Variants in GNS observed in about 807,000 individuals in gnomAD.
GNS encodes N-acetylglucosamine-6-sulfatase.
GNS carries 40 observed loss-of-function variants against 69.7 expected under a neutral mutation model. The ratio of observed to expected loss-of-function variants is 0.57; its 90% CI spans 0.45 to 0.75. GNS has a LOEUF of 0.75. GNS is among the 30% of genes least tolerant of loss of function. The pLI is 0.00. For missense variants in GNS, 565 were observed against 685.5 expected (o/e 0.82, Z 1.96); for synonymous variants, 243 against 251.6 (o/e 0.97, Z 0.32).
rs1402191110 is a variant in GNS, at chr12:64,745,721, C to T, written c.463G>A (p.Gly155Arg). Residue 155 changes from glycine to arginine, a missense_variant, in exon 4 of 14, where the codon GGA (glycine) becomes AGA (arginine). Around this residue, in one of 2 missense-constraint regions of GNS, gnomAD observed 384 missense variants for 511.0 expected, o/e 0.75. Coordinates refer to ENST00000258145, the MANE Select transcript of GNS (RefSeq NM_002076.4). ...FFAGKYLNEY[G>R]APDAGGLEHV... ...TCTAGTCCACCTGCATCTGGGGCTC[C>T]GTACTGAAAAGCAAAACAAGTAGGG... The T allele has an allele frequency of 3.7e-6, 6 of 1,600,838 alleles. No homozygotes were observed. The Admixed American group carries it at 6.7e-5, about 18-fold the overall frequency.
chr12:64,749,446 G>A (rs1870006783), intron 2 of GNS, among the ~76,000 whole-genome samples: 1 of 151,150 alleles, frequency 6.6e-6, no homozygotes, highest in African/African-American at 2.4e-5. Context: ...TAGAGATGGG[G>A]TTTCACAGTG....
intron 9 of GNS, among the ~76,000 whole-genome samples, chr12:64,730,554 A>G (rs1869357225): frequency 6.6e-6 from 1 of 152,040 alleles, no homozygotes; most frequent in African/African-American, 2.4e-5. Flanking sequence ...AATTAGTCTA[A>G]CTCTGCAGCT....
chr12:64,752,091 G>T (rs1870098026), intron 2 of GNS, among the ~76,000 whole-genome samples: 1 of 111,580 alleles, frequency 9.0e-6, no homozygotes, highest in African/African-American at 2.8e-5. Flanking sequence ...GGAGGAAGAG[G>T]GCCAGAGAGG....
intron 9 of GNS, among the ~76,000 whole-genome samples, chr12:64,733,704 G>T (rs1238487639): frequency 6.6e-6 from 1 of 152,194 alleles, no homozygotes; most frequent in Non-Finnish European, 1.5e-5. Context: ...TTTTACAAAA[G>T]TAGGGGAACC....
At position 64,744,876 on chromosome 12, in the gene GNS, A is replaced by G; in HGVS notation, c.557T>C (p.Leu186Pro). 1 of 1,532,678 alleles carries G rather than the reference A, an allele frequency of 6.5e-7. No homozygotes were observed. Among genetic ancestry groups the G allele is most frequent in the Non-Finnish European group, 9.0e-7 (1 of 1,105,628 alleles). 94.9% of individuals were successfully genotyped at this position (1,532,678 alleles called of 1,614,324 possible). A position where few individuals can be genotyped will look rare whatever the true frequency, so the allele number is the denominator to read the frequency against. Reference sequence around the variant, plus strand: ...CTTCCGTGCCTTCCCATTGATAGACAGGGTGTAATTATAATACTTAGAATT... The same window carrying G: ...CTTCCGTGCCTTCCCATTGATAGACGGGGTGTAATTATAATACTTAGAATT... Reference protein sequence around the residue: ...EKNSKYYNYTLSINGKARKHG... With the variant: ...EKNSKYYNYTPSINGKARKHG... The change falls in exon 5 of 14, where the codon CTG (leucine) becomes CCG (proline). Residue 186 changes from leucine to proline, a missense_variant. By Grantham distance (98) the Leu-to-Pro change is moderately conservative. This residue lies in a region of GNS where 384 missense variants were observed against 511.0 expected (regional missense o/e 0.75). Transcript: ENST00000258145.
At chr12:64,756,806 G>GGAGGGCATAAGTCAA in intron 1 of GNS, 1 of 1,012,372 alleles carries the variant, frequency 9.9e-7, no homozygotes, top group South Asian at 1.4e-5. Flanking sequence ...CATTAAGTTT[G>GGAGGGCATAAGTCAA]ACTTATGCCC....
In GNS at chr12:64,747,921, A is replaced by G. The variant is rs754672973; in HGVS notation, c.253-3T>C. The stretch of plus-strand genomic sequence containing the variant: ...CAGCAGAGAGCACTTGGCACATACT[A>G]CAAAGGAAAGGAAGCAAAAACGACA... On this transcript the variant is annotated splice_region_variant and splice_polypyrimidine_tract_variant and intron_variant, in intron 2 of 13. Coordinates refer to ENST00000258145, the MANE Select transcript of GNS (RefSeq NM_002076.4). The G allele has an allele frequency of 2.6e-6, 4 of 1,563,604 alleles. No individual in the cohort carries two copies. Among genetic ancestry groups the G allele is most frequent in the East Asian group, 2.2e-5 (1 of 44,660 alleles).
At chr12:64,732,223 A>C (rs1160906382) in intron 9 of GNS, among the ~76,000 whole-genome samples, 1 of 137,266 alleles carries the variant, frequency 7.3e-6, no homozygotes, top group Non-Finnish European at 1.5e-5. Context: ...GCTGGAGTAC[A>C]GTAGCACGAT....
At chr12:64,757,898 T>C (rs1870309714) in intron 1 of GNS, among the ~76,000 whole-genome samples, 1 of 152,202 alleles carries the variant, frequency 6.6e-6, no homozygotes, top group East Asian at 1.9e-4. Flanking sequence ...CCTGGAGTAT[T>C]TCATAGTCTC....
At position 64,739,437 on chromosome 12, in the gene GNS, G is replaced by C. The variant is rs776901372; in HGVS notation, c.938C>G (p.Thr313Ser). 3 of 1,610,278 alleles carry C rather than the reference G, an allele frequency of 1.9e-6. No individual in the cohort carries two copies. Among genetic ancestry groups the C allele is most frequent in the Non-Finnish European group, 2.5e-6 (3 of 1,176,676 alleles). The stretch of plus-strand genomic sequence containing the variant: ...GATGTAAGTGTTGTTGAGCTCCCCA[G>C]TGAACTCCAGCCTCTTGACCAGTTT... The part of the protein sequence containing the change: ...VEKLVKRLEF[T>S]GELNNTYIFY... Residue 313 changes from threonine (T) to serine (S), a missense_variant, in exon 8 of 14, where the codon ACT (threonine) becomes AGT (serine). Physicochemically the swap from Thr to Ser is moderately conservative, Grantham distance 58 (BLOSUM62 1). This residue lies in a region of GNS where 384 missense variants were observed against 511.0 expected (regional missense o/e 0.75). Transcript: ENST00000258145.
At chr12:64,736,976 C>T (rs374200272) in intron 9 of GNS, 28 bp downstream of exon 9, 1 of 1,116,806 alleles carries the variant, frequency 9.0e-7, no homozygotes, top group African/African-American at 1.5e-5. Flanking sequence ...GCCTACCTGT[C>T]CACAGCACCA....
chr12:64,757,974 C>A (rs558559900), intron 1 of GNS, among the ~76,000 whole-genome samples: 15 of 152,118 alleles, frequency 9.9e-5, no homozygotes, highest in Non-Finnish European at 1.8e-4. Context: ...GGTTTTAAAG[C>A]GAAGAGAGGA....
intron 2 of GNS, among the ~76,000 whole-genome samples, chr12:64,748,323 C>A (rs1360472612): frequency 6.6e-6 from 1 of 151,838 alleles, no homozygotes; most frequent in Non-Finnish European, 1.5e-5. Flanking sequence ...ACCTCAGCCT[C>A]CCTAACAGCT....
chr12:64,737,929 C>T (rs1459116565), intron 8 of GNS, among the ~76,000 whole-genome samples: 2 of 152,154 alleles, frequency 1.3e-5, no homozygotes, highest in African/African-American at 4.8e-5. Flanking sequence ...TGGACAAAGA[C>T]CCACTTCTCC....
chr12:64,740,325 A>C (rs1869692158), intron 7 of GNS, among the ~76,000 whole-genome samples: 1 of 152,216 alleles, frequency 6.6e-6, no homozygotes, highest in South Asian at 2.1e-4. Flanking sequence ...CTTTTCTTTA[A>C]AGCAGGAGAA....
At position 64,743,163 on chromosome 12, in the gene GNS, T is replaced by G. The variant is rs1171491284; in HGVS notation, c.770A>C (p.Lys257Thr). Reference protein sequence around the residue: ...AFQNVFAPRNKNFNIHGTNKH... With the variant: ...AFQNVFAPRNTNFNIHGTNKH... ...TACCGTTCCATGGATGTTGAAGTTC[T>G]TGTTTCTTGGTGCAAAGACATTCTG... The change falls in exon 6 of 14, where the codon AAG becomes ACG. Residue 257 changes from lysine (K) to threonine (T), a missense_variant. Coordinates refer to ENST00000258145, the MANE Select transcript of GNS (RefSeq NM_002076.4). 3 of 1,613,502 alleles carry G rather than the reference T, an allele frequency of 1.9e-6. No individual in the cohort carries two copies. The Admixed American group carries it at 5.0e-5, about 27-fold the overall frequency.
intron 11 of GNS, among the ~76,000 whole-genome samples, chr12:64,722,028 CTTTTT>C (rs879925471): frequency 7.0e-6 from 1 of 143,310 alleles, no homozygotes; most frequent in Non-Finnish European, 1.5e-5. Flanking sequence ...TGACTCCTTT[CTTTTT>C]TTTTTTTTGC....
rs781733062 is a variant in GNS at position 64,745,623 on chromosome 12, T to C, written c.525+36A>G. On this transcript the variant is annotated intron_variant, in intron 4 of 13. Coordinates refer to ENST00000258145, the MANE Select transcript of GNS (RefSeq NM_002076.4). ...TAAACATATTCTGCATCTGTAGGGC[T>C]GCATAAAATTGTCACAGACTTCAAT... 5.4e-6 allele frequency: 6 copies of C among 1,111,214 alleles called. No homozygotes were observed. In the African/African-American group the frequency reaches 9.2e-5, roughly 17 times the overall value. The allele number at this position is 1,111,214 out of a possible 1,614,324, so 68.8% of individuals were successfully genotyped here. A position where few individuals can be genotyped will look rare whatever the true frequency, so the allele number is the denominator to read the frequency against.
intron 1 of GNS, among the ~76,000 whole-genome samples, chr12:64,757,874 T>A (rs1377321323): frequency 1.3e-5 from 2 of 152,194 alleles, no homozygotes; most frequent in Non-Finnish European, 2.9e-5. Context: ...ACAAGAAAAG[T>A]TAGGAACGTC....
Sources: gnomAD v4.1 joint callset for allele counts (sites outside exome capture counted in the v4.1 genomes callset) on GRCh38, gnomAD v4.1.1 for gene constraint, gnomAD v4.1.1 regional missense constraint, MANE v1.5 for transcripts, NCBI Gene and HGNC (gene_info 2026-07-23, HGNC 2026-07-21) for gene names.